The following FBXO8 variants were observed in gnomAD, a reference collection of about 807,000 sequenced individuals.
The protein encoded by FBXO8 is F-box protein 8.
A neutral mutation model predicts 33.4 loss-of-function variants in FBXO8; 15 were observed. The ratio of observed to expected loss-of-function variants is 0.45; its 90% CI spans 0.30 to 0.69. The LOEUF (loss-of-function observed/expected upper bound fraction) is 0.69, where lower values mean the gene tolerates loss of function less well. Ranked by LOEUF, FBXO8 falls within the 30% of genes least tolerant of loss-of-function variation. The probability of loss-of-function intolerance (pLI) is 0.08; values close to 1 mark genes in which losing one functional copy is unlikely to be tolerated. For synonymous variants in FBXO8, 132 were observed against 131.5 expected (o/e 1.00, Z -0.02); for missense variants, 274 against 380.3 (o/e 0.72, Z 2.32).
intron 1 of FBXO8, among the ~76,000 whole-genome samples, chr4:174,282,305 G>T (rs536606812): frequency 1.3e-5 from 2 of 152,172 alleles, no homozygotes; most frequent in East Asian, 3.9e-4. Flanking sequence ...TAGTTAATTT[G>T]CTGTAACTTA....
At chr4:174,282,766 T>G (rs2126457586) in intron 1 of FBXO8, among the ~76,000 whole-genome samples, 1 of 152,342 alleles carries the variant, frequency 6.6e-6, no homozygotes, top group Admixed American at 6.5e-5. Context: ...TAGAATCAAT[T>G]ATTTTATTAG....
chr4:174,273,715 T>C (rs1736891121), intron 1 of FBXO8, among the ~76,000 whole-genome samples: 1 of 152,230 alleles, frequency 6.6e-6, no homozygotes, highest in African/African-American at 2.4e-5. Context: ...TTTGTAAACC[T>C]GGCTAAAAAG....
At chr4:174,280,360 G>C (rs1032228340) in intron 1 of FBXO8, among the ~76,000 whole-genome samples, 5 of 152,022 alleles carry the variant, frequency 3.3e-5, no homozygotes, top group African/African-American at 1.2e-4. Flanking sequence ...GGAGAAACTG[G>C]AACCCTTATG....
chr4:174,271,502 C>A (rs112497059), intron 1 of FBXO8, among the ~76,000 whole-genome samples: 42 of 152,262 alleles, frequency 2.8e-4, no homozygotes, highest in African/African-American at 8.9e-4. Flanking sequence ...CAATGGACCA[C>A]AACCTCTCCC....
chr4:174,243,691 A>T (rs1736096928), intron 3 of FBXO8, among the ~76,000 whole-genome samples: 2 of 151,302 alleles, frequency 1.3e-5, no homozygotes, highest in South Asian at 4.1e-4. Context: ...AGAATGGTAC[A>T]GAGAAACTCC....
In FBXO8 at chr4:174,252,507, T is replaced by G. The variant is rs1177770713; in HGVS notation, c.456+7192A>C. 6.6e-6 allele frequency among the ~76,000 whole-genome samples: 1 copy of G among 152,240 alleles called. No homozygotes were observed. Among genetic ancestry groups the G allele is most frequent in the East Asian group, 1.9e-4 (1 of 5,180 alleles). On this transcript the variant is annotated intron_variant, in intron 3 of 5. Coordinates refer to ENST00000393674, the MANE Select transcript of FBXO8 (RefSeq NM_012180.3). This position sits in a 1 kb window ranked among gnomAD's most constrained non-coding sequence, Gnocchi z 5.1. ...CTCACAGATAGCATCACAGACCCAA[T>G]TCTTTCTTTCCAGTCTGCTATTCTT...
chr4:174,265,504 G>A lies in FBXO8; in HGVS notation c.-8-2404C>T, dbSNP rs1460119164. The stretch of plus-strand genomic sequence containing the variant: ...TGTGGTACAGTATATCTATACAATG[G>A]GAAATTATTTAGCACTAAAAAGAAA... On this transcript the variant is annotated intron_variant, in intron 1 of 5. Transcript: ENST00000393674. This position sits in a 1 kb window ranked among gnomAD's most constrained non-coding sequence, Gnocchi z 4.7. Among the ~76,000 whole-genome samples the A allele has an allele frequency of 6.6e-6, 1 of 152,028 alleles. No individual in the cohort carries two copies. Among genetic ancestry groups the A allele is most frequent in the Non-Finnish European group, 1.5e-5 (1 of 67,980 alleles).
intron 4 of FBXO8, among the ~76,000 whole-genome samples, chr4:174,240,781 T>TA (rs1448564015): frequency 1.3e-5 from 2 of 151,858 alleles, no homozygotes; most frequent in South Asian, 2.1e-4. Context: ...TATAAACACT[T>TA]AGATTATGGC....
chr4:174,251,898 C>T lies in FBXO8; in HGVS notation c.456+7801G>A, dbSNP rs1736294110. On this transcript the variant is annotated intron_variant, in intron 3 of 5. Coordinates refer to ENST00000393674, the MANE Select transcript of FBXO8 (RefSeq NM_012180.3). The surrounding 1 kb of genome is among the most constrained non-coding windows in gnomAD (Gnocchi z 4.2). ...TTTGGTGAGGGACTCCTCTCACTGT[C>T]ATCTAGCTTCTTTTGCCCTGATTAA... is the stretch of plus-strand genomic sequence containing the variant. Among the ~76,000 whole-genome samples the T allele has an allele frequency of 6.6e-6, 1 of 152,160 alleles. No homozygotes were observed. The highest frequency in any genetic ancestry group is 6.5e-5 in the Admixed American group (1 of 15,276).
At chr4:174,269,403 C>T (rs1261228103) in intron 1 of FBXO8, among the ~76,000 whole-genome samples, 8 of 151,858 alleles carry the variant, frequency 5.3e-5, no homozygotes, top group Admixed American at 2.0e-4. Flanking sequence ...TAATAAAATG[C>T]GGCCAGGAGT....
At chr4:174,276,964 T>G (rs1415847089) in intron 1 of FBXO8, among the ~76,000 whole-genome samples, 2 of 152,212 alleles carry the variant, frequency 1.3e-5, no homozygotes, top group Non-Finnish European at 2.9e-5. Flanking sequence ...TATAAAAGCA[T>G]CTTTTAATTG....
At position 174,261,244 on chromosome 4, in the gene FBXO8, A is replaced by G. The variant is rs1240392368; in HGVS notation, c.330-1419T>C. Among the ~76,000 whole-genome samples the G allele has an allele frequency of 6.6e-6, 1 of 151,976 alleles. No homozygotes were observed. Among genetic ancestry groups the G allele is most frequent in the African/African-American group, 2.4e-5 (1 of 41,432 alleles). ...AAAACCAGAGAACTTCCCAACATCA[A>G]TGAGTATTCAATACATCCAAAGTTG... On this transcript the variant is annotated intron_variant, in intron 2 of 5. Transcript: ENST00000393674. The surrounding 1 kb of genome is among the most constrained non-coding windows in gnomAD (Gnocchi z 4.1).
chr4:174,242,723 G>A (rs1248168486), intron 3 of FBXO8, among the ~76,000 whole-genome samples: 1 of 151,484 alleles, frequency 6.6e-6, no homozygotes, highest in South Asian at 2.1e-4. Flanking sequence ...AACTGTCCGA[G>A]GGGGCAGCAA....
At chr4:174,249,569 C>T (rs1175103383) in intron 3 of FBXO8, among the ~76,000 whole-genome samples, 1 of 151,826 alleles carries the variant, frequency 6.6e-6, no homozygotes, top group Non-Finnish European at 1.5e-5. Flanking sequence ...ATTTTAACAG[C>T]TCTGAAACAG....
chr4:174,256,669 T>C lies in FBXO8; in HGVS notation c.456+3030A>G, dbSNP rs919578822. On this transcript the variant is annotated intron_variant, in intron 3 of 5. Transcript: ENST00000393674. This position sits in a 1 kb window ranked among gnomAD's most constrained non-coding sequence, Gnocchi z 4.6. Reference sequence around the variant, plus strand: ...CATTTCTCTGACCTTATTAAGTGTATTGCAATGTCCTTTTTTTCCTATATA... The same window carrying C: ...CATTTCTCTGACCTTATTAAGTGTACTGCAATGTCCTTTTTTTCCTATATA... Among the ~76,000 whole-genome samples, 1 of 152,196 alleles carries C rather than the reference T, an allele frequency of 6.6e-6. No homozygotes were observed. Among genetic ancestry groups the C allele is most frequent in the Non-Finnish European group, 1.5e-5 (1 of 68,028 alleles).
intron 1 of FBXO8, among the ~76,000 whole-genome samples, chr4:174,271,306 T>C (rs1377013603): frequency 1.3e-5 from 2 of 152,112 alleles, no homozygotes; most frequent in African/African-American, 2.4e-5. Flanking sequence ...TGCAGAAACC[T>C]CAAGAGGCTT....
chr4:174,271,195 A>G (rs1324662394), intron 1 of FBXO8, among the ~76,000 whole-genome samples: 2 of 152,218 alleles, frequency 1.3e-5, no homozygotes, highest in South Asian at 2.1e-4. Context: ...TTTCTGCAAC[A>G]TGAAAAGTAG....
chr4:174,237,916 A>T lies in FBXO8; in HGVS notation c.773-317T>A, dbSNP rs571481726. Among the ~76,000 whole-genome samples, 2 of 152,212 alleles carry T rather than the reference A, an allele frequency of 1.3e-5. No individual in the cohort carries two copies. The highest frequency in any genetic ancestry group is 2.1e-4 in the South Asian group (1 of 4,834). On this transcript the variant is annotated intron_variant, in intron 5 of 5. Coordinates refer to ENST00000393674, the MANE Select transcript of FBXO8 (RefSeq NM_012180.3). This position sits in a 1 kb window ranked among gnomAD's most constrained non-coding sequence, Gnocchi z 4.4. ...TATAGTAAAAATTCATTCTAGATTT[A>T]AAAAATTTAGAATTGGCTTTATTTT...
In FBXO8 at chr4:174,240,957, G is replaced by A. The variant is rs117697548; in HGVS notation, c.575+143C>T. The A allele has an allele frequency of 8.2e-6, 4 of 487,170 alleles. No individual in the cohort carries two copies. In the East Asian group the frequency reaches 1.3e-4, roughly 16 times the overall value. 30.2% of individuals were successfully genotyped at this position (487,170 alleles called of 1,614,324 possible). A position where few individuals can be genotyped will look rare whatever the true frequency, so the allele number is the denominator to read the frequency against. ...TCAAAGCTCACGAAAGAAATGATGT[G>A]TGAGATATAGGAATCTTTTCCCTGT... is the stretch of plus-strand genomic sequence containing the variant. On this transcript the variant is annotated intron_variant, in intron 4 of 5. Transcript: ENST00000393674.
Sources: allele counts gnomAD v4.1 joint callset (sites outside exome capture counted in the v4.1 genomes callset), GRCh38; gene constraint gnomAD v4.1.1; non-coding constraint Gnocchi (gnomAD v3.1); transcripts MANE v1.5; gene names NCBI Gene and HGNC (gene_info 2026-07-23, HGNC 2026-07-21).